HMGA2: variants seen among roughly 807,000 people sequenced by gnomAD.
The protein encoded by HMGA2 is high mobility group AT-hook 2.
In HMGA2, 8 loss-of-function variants were observed where a neutral mutation model predicts 19.1. The ratio of observed to expected loss-of-function variants is 0.42; its 90% CI spans 0.25 to 0.76. The LOEUF (loss-of-function observed/expected upper bound fraction) is 0.76. Ranked by LOEUF, HMGA2 falls within the 30% of genes least tolerant of loss-of-function variation. The probability of loss-of-function intolerance (pLI) is 0.28; values close to 1 mark genes in which losing one functional copy is unlikely to be tolerated. For synonymous variants in HMGA2, 60 were observed against 48.8 expected (o/e 1.23, Z -0.96); for missense variants, 109 against 136.3 (o/e 0.80, Z 1.00).
chr12:65,872,036 G>C (rs976338925), intron 3 of HMGA2, among the ~76,000 whole-genome samples: 1 of 152,162 alleles, frequency 6.6e-6, no homozygotes, highest in African/African-American at 2.4e-5. Flanking sequence ...CCAGTCTGAA[G>C]TGGCAGGGAG....
intron 3 of HMGA2, among the ~76,000 whole-genome samples, chr12:65,876,483 C>T (rs150707465): frequency 2.2e-4 from 34 of 152,302 alleles, no homozygotes; most frequent in African/African-American, 7.7e-4. Context: ...TCTTTCTCTT[C>T]CTAATCTTAA....
chr12:65,851,041 G>A (rs1705887528), intron 3 of HMGA2, among the ~76,000 whole-genome samples: 1 of 152,174 alleles, frequency 6.6e-6, no homozygotes, highest in Non-Finnish European at 1.5e-5. Context: ...TTGGGGTACT[G>A]TAAAGTGTAC....
chr12:65,850,365 C>T (rs1871408321), intron 3 of HMGA2, among the ~76,000 whole-genome samples: 3 of 152,092 alleles, frequency 2.0e-5, no homozygotes, highest in Admixed American at 2.0e-4. Context: ...GAAACTAATT[C>T]ACACTAAACT....
At chr12:65,928,071 C>T (rs1875577310) in intron 3 of HMGA2, among the ~76,000 whole-genome samples, 1 of 151,534 alleles carries the variant, frequency 6.6e-6, no homozygotes, top group South Asian at 2.1e-4. Context: ...CATCTTTAGG[C>T]AATTTCATTG....
chr12:65,831,912 A>G (rs992889068), intron 2 of HMGA2, among the ~76,000 whole-genome samples: 2 of 151,948 alleles, frequency 1.3e-5, no homozygotes, highest in African/African-American at 4.8e-5. Flanking sequence ...GAGTTAAGGA[A>G]AGGTAACTTT....
intron 3 of HMGA2, among the ~76,000 whole-genome samples, chr12:65,923,795 G>A (rs35524197): frequency 0.2 from 30,278 of 151,970 alleles, 3,229 homozygotes; most frequent in South Asian, 0.31. Flanking sequence ...GGATCACCTG[G>A]GGTCGGGAGC....
At chr12:65,939,211 G>C (rs1436127043) in intron 3 of HMGA2, among the ~76,000 whole-genome samples, 1 of 152,126 alleles carries the variant, frequency 6.6e-6, no homozygotes, top group East Asian at 1.9e-4. Context: ...TTTTCCATTG[G>C]TGTTATGCTC....
At chr12:65,888,716 A>C (rs1355556925) in intron 3 of HMGA2, among the ~76,000 whole-genome samples, 2 of 150,680 alleles carry the variant, frequency 1.3e-5, no homozygotes, top group Non-Finnish European at 3.0e-5. Flanking sequence ...GGCGCCCGCC[A>C]CCACGCCCGG....
At chr12:65,891,661 G>A (rs1873918215) in intron 3 of HMGA2, among the ~76,000 whole-genome samples, 1 of 152,208 alleles carries the variant, frequency 6.6e-6, no homozygotes, top group South Asian at 2.1e-4. Context: ...GCTTCTCCAA[G>A]TTTGAGCTGC....
rs1446917371 is a variant in HMGA2, at chr12:65,824,987, C to A, written c.-284C>A. On this transcript the variant is annotated 5_prime_UTR_variant, in exon 1 of 5. Transcript: ENST00000403681. ...CTCTTGCTACCTCCACCTCCACCGC[C>A]ACCTCCACCTCCGGCACCCACCCAC... The A allele has an allele frequency of 4.9e-6, 2 of 410,030 alleles. No individual in the cohort carries two copies. The highest frequency in any genetic ancestry group is 8.7e-6 in the Non-Finnish European group (2 of 229,256). 25.4% of individuals were successfully genotyped at this position (410,030 alleles called of 1,614,324 possible).
chr12:65,859,714 C>T (rs1480704552), intron 3 of HMGA2: 1 of 155,076 alleles, frequency 6.4e-6, no homozygotes, highest in Non-Finnish European at 1.4e-5. Flanking sequence ...GGTAAACACG[C>T]ATTGCAGATG....
intron 2 of HMGA2, among the ~76,000 whole-genome samples, chr12:65,833,238 T>A (rs925801668): frequency 6.6e-6 from 1 of 152,130 alleles, no homozygotes; most frequent in Admixed American, 6.5e-5. Context: ...CTTAGTGGGA[T>A]TGATTCGTAG....
chr12:65,874,988 G>A (rs1262935603), intron 3 of HMGA2, among the ~76,000 whole-genome samples: 1 of 152,028 alleles, frequency 6.6e-6, no homozygotes, highest in South Asian at 2.1e-4. Context: ...AACCAGAAAG[G>A]TTCCCCGCCC....
intron 3 of HMGA2, among the ~76,000 whole-genome samples, chr12:65,865,845 T>C (rs1470193020): frequency 6.6e-6 from 1 of 151,766 alleles, no homozygotes; most frequent in African/African-American, 2.4e-5. Context: ...GGTTTCATCA[T>C]GTTAGCCAGG....
At chr12:65,865,088 T>C (rs1426852343) in intron 3 of HMGA2, among the ~76,000 whole-genome samples, 2 of 152,216 alleles carry the variant, frequency 1.3e-5, no homozygotes, top group South Asian at 2.1e-4. Flanking sequence ...CCATTTCTAC[T>C]TAATGAGTAG....
chr12:65,893,365 A>C (rs952015772), intron 3 of HMGA2, among the ~76,000 whole-genome samples: 2 of 152,236 alleles, frequency 1.3e-5, no homozygotes, highest in East Asian at 3.8e-4. Flanking sequence ...AAATGGATAC[A>C]TGCGAAAAGA....
intron 2 of HMGA2, chr12:65,828,621 A>AT (rs1870336640): frequency 1.2e-5 from 2 of 171,276 alleles, no homozygotes; most frequent in Non-Finnish European, 2.5e-5. Flanking sequence ...AATTCCATGA[A>AT]TTTTGCAGCT....
intron 3 of HMGA2, among the ~76,000 whole-genome samples, chr12:65,951,019 T>G (rs1405697833): frequency 6.6e-6 from 1 of 152,108 alleles, no homozygotes; most frequent in East Asian, 1.9e-4. Context: ...GCCTTGACCT[T>G]TCTTGGCCCA....
intron 3 of HMGA2, among the ~76,000 whole-genome samples, chr12:65,892,738 A>G (rs987548063): frequency 4.6e-5 from 7 of 152,138 alleles, no homozygotes; most frequent in Admixed American, 3.9e-4. Context: ...TGATGCCTTC[A>G]GCCGTCCTCA....
Sources: gnomAD v4.1 joint callset for allele counts (sites outside exome capture counted in the v4.1 genomes callset) on GRCh38, gnomAD v4.1.1 for gene constraint, MANE v1.5 for transcripts, NCBI Gene and HGNC (gene_info 2026-07-23, HGNC 2026-07-21) for gene names.